HNRNPK: variants seen among roughly 807,000 people sequenced by gnomAD.
HNRNPK encodes the protein dC-stretch binding protein.
In HNRNPK, 7 loss-of-function variants were observed where a neutral mutation model predicts 67.0. That is an observed-to-expected ratio of 0.10 (90% CI 0.06 to 0.20). The LOEUF (loss-of-function observed/expected upper bound fraction) is 0.20, where lower values mean the gene tolerates loss of function less well. Ranked by LOEUF, HNRNPK falls within the 10% of genes least tolerant of loss-of-function variation. The probability of loss-of-function intolerance (pLI) is 1.00; values close to 1 mark genes in which losing one functional copy is unlikely to be tolerated. For synonymous variants in HNRNPK, 213 were observed against 193.7 expected, an observed-to-expected ratio of 1.10 and a Z score of -0.83; for missense variants, 264 against 606.5, an observed-to-expected ratio of 0.44 and a Z score of 5.93.
chr9:83,969,108 A>C lies in HNRNPK; in HGVS notation c.*299T>G, dbSNP rs149773802. 1.9e-3 allele frequency: 960 copies of C among 514,972 alleles called. 1 individual carries two copies. The highest frequency in any genetic ancestry group is 2.7e-3 in the Non-Finnish European group (791 of 291,348). The allele number at this position is 514,972 out of a possible 1,614,324, so 31.9% of individuals were successfully genotyped here. On this transcript the variant is annotated 3_prime_UTR_variant, in exon 17 of 17. Coordinates refer to ENST00000376263, the MANE Select transcript of HNRNPK (RefSeq NM_031263.4). ...ATGGGGGGAATTTTTTAAACCACCAACAATAACGAAAAATAAAATCCACTC... is the reference window on the plus strand; with the variant it reads ...ATGGGGGGAATTTTTTAAACCACCACCAATAACGAAAAATAAAATCCACTC...
At chr9:83,969,927 G>C (rs997915934) in intron 16 of HNRNPK, 20 of 639,680 alleles carry the variant, frequency 3.1e-5, no homozygotes, top group African/African-American at 2.5e-4. Context: ...GTTTTCACCA[G>C]AGAAATGAGA....
rs1588424005 is a variant in HNRNPK at position 83,974,092 on chromosome 9, C to T, written c.331-119G>A. On this transcript the variant is annotated intron_variant, in intron 7 of 16. Coordinates refer to ENST00000376263, the MANE Select transcript of HNRNPK (RefSeq NM_031263.4). ...ATCTATATTATTAAATAATGAGAAA[C>T]TGCTTTATTCAACATTAAGACGATT... 9 of 620,378 alleles carry T rather than the reference C, an allele frequency of 1.5e-5. No individual in the cohort carries two copies. In the East Asian group the frequency reaches 2.4e-4, roughly 16 times the overall value. The allele number at this position is 620,378 out of a possible 1,614,324, so 38.4% of individuals were successfully genotyped here.
Position 83,972,040 on chromosome 9 carries a change from A to G in HNRNPK, c.795T>C (p.Pro265=), listed in dbSNP as rs981401210. The G allele has an allele frequency of 3.7e-6, 6 of 1,613,916 alleles. No homozygotes were observed. Among genetic ancestry groups the G allele is most frequent in the African/African-American group, 1.3e-5 (1 of 75,036 alleles). Residue 265 remains proline (P), a synonymous_variant, in exon 11 of 17, where the codon CCT becomes CCC. Coordinates refer to ENST00000376263, the MANE Select transcript of HNRNPK (RefSeq NM_031263.4). ...MRGRGGFDRM[P]PGRGGRPMPP... Reference sequence around the variant, plus strand: ...GCATGGGACGCCCACCCCGACCAGGAGGCATTCTGTCAAAACCACCTCTTC... The same window carrying G: ...GCATGGGACGCCCACCCCGACCAGGGGGCATTCTGTCAAAACCACCTCTTC...
Position 83,979,221 on chromosome 9 carries a change from A to T in HNRNPK, c.-107-769T>A, listed in dbSNP as rs865950829. On this transcript the variant is annotated intron_variant, in intron 1 of 16. Coordinates refer to ENST00000376263, the MANE Select transcript of HNRNPK (RefSeq NM_031263.4). ...CGGCCTCTACTAGAAGGTTGGCTAG[A>T]CAGCAAAGAGCCAACAAGCGAGGCA... Among the ~76,000 whole-genome samples, 74 of 152,304 alleles carry T rather than the reference A, an allele frequency of 4.9e-4. 2 individuals are homozygous for T. Among genetic ancestry groups the T allele is most frequent in the Middle Eastern group, 6.8e-3 (2 of 294 alleles).
chr9:83,970,922 G>C lies in HNRNPK; in HGVS notation c.1093-10C>G. On this transcript the variant is annotated splice_polypyrimidine_tract_variant and intron_variant, in intron 13 of 16. Transcript: ENST00000376263. ...CATATCCGGAGCCACCCTAAAAACA[G>C]AAAGAAAAAAATAGAAAATTACTTT... 6.2e-7 allele frequency: 1 copy of C among 1,611,382 alleles called. No individual in the cohort carries two copies. The highest frequency in any genetic ancestry group is 8.5e-7 in the Non-Finnish European group (1 of 1,178,008).
At chr9:83,970,989 A>C (rs1014941728) in intron 13 of HNRNPK, 77 bp from the exon 14 acceptor site, 2 of 1,428,404 alleles carry the variant, frequency 1.4e-6, no homozygotes, top group Non-Finnish European at 2.0e-6. Flanking sequence ...AATTCATTTA[A>C]TAAAATGGAG....
At chr9:83,978,119 A>G (rs1401900383) in intron 3 of HNRNPK, 76 bp downstream of exon 3, 4 of 938,692 alleles carry the variant, frequency 4.3e-6, no homozygotes, top group Non-Finnish European at 7.0e-6. Context: ...ACACACTCCT[A>G]AGGCAATAAT....
Position 83,973,937 on chromosome 9 carries a change from G to A in HNRNPK, c.367C>T (p.Leu123Phe). 1 of 1,613,904 alleles carries A rather than the reference G, an allele frequency of 6.2e-7. No homozygotes were observed. Among genetic ancestry groups the A allele is most frequent in the Non-Finnish European group, 8.5e-7 (1 of 1,179,854 alleles). Residue 123 changes from leucine to phenylalanine, a missense_variant, in exon 8 of 17, where the codon CTC (leucine) becomes TTC (phenylalanine). Physicochemically the swap from Leu to Phe is conservative, Grantham distance 22. Transcript: ENST00000376263. ...QLPSPTATSQLPLESDAVECL... is the reference protein window; with the variant it reads ...QLPSPTATSQFPLESDAVECL... ...TCCACAGCATCAGATTCGAGCGGGA[G>A]CTGGCTGGTTGCAGTGGGTGATGGC...
chr9:83,974,447 C>T, intron 7 of HNRNPK, 70 bp downstream of exon 7: 1 of 736,156 alleles, frequency 1.4e-6, no homozygotes, highest in Non-Finnish European at 2.3e-6. Flanking sequence ...CCCCATCATA[C>T]CCCAATACAA....
intron 9 of HNRNPK, 32 bp from the exon 10 acceptor site, chr9:83,973,004 A>C (rs752241232): frequency 2.0e-6 from 3 of 1,490,340 alleles, no homozygotes; most frequent in Non-Finnish European, 2.7e-6. Flanking sequence ...AAATAATAAT[A>C]ATTAGAAGAA....
At chr9:83,979,954 C>T (rs1026512687) in intron 1 of HNRNPK, among the ~76,000 whole-genome samples, 199 bp downstream of exon 1, 2 of 152,208 alleles carry the variant, frequency 1.3e-5, no homozygotes, top group Non-Finnish European at 2.9e-5. Context: ...TCACGAATCC[C>T]CAAGTCTCTA....
rs1290163847 is a variant in HNRNPK, at chr9:83,971,741, CTTG to C, written c.954-18_954-16del. The C allele has an allele frequency of 6.2e-6, 10 of 1,612,710 alleles. No homozygotes were observed. Among genetic ancestry groups the C allele is most frequent in the South Asian group, 4.4e-5 (4 of 91,050 alleles). ...CCATGAGGTCTCTGCAAGCATAGTA[CTTG>C]TTGTAATCTAAACGTGCTTACATGC... On this transcript the variant is annotated splice_polypyrimidine_tract_variant and intron_variant, in intron 11 of 16. Coordinates refer to ENST00000376263, the MANE Select transcript of HNRNPK (RefSeq NM_031263.4).
chr9:83,974,117 T>C (rs539174371), intron 7 of HNRNPK, 144 bp from the exon 8 acceptor site: 1 of 551,544 alleles, frequency 1.8e-6, no homozygotes, highest in African/African-American at 1.9e-5. Context: ...TTAAGACGAT[T>C]CAAAACATAA....
At position 83,977,786 on chromosome 9, in the gene HNRNPK, C is replaced by T. The variant is rs1375976941; in HGVS notation, c.59G>A (p.Gly20Asp). 6.3e-7 allele frequency: 1 copy of T among 1,585,758 alleles called. No individual in the cohort carries two copies. The highest frequency in any genetic ancestry group is 8.6e-7 in the Non-Finnish European group (1 of 1,156,152). ...FPNTETNGEF[G>D]KRPAEDMEEE... ...TTCCATATCTTCTGCAGGGCGTTTA[C>T]CTAAAAATTAACAGTTCACATTTCA... The change falls in exon 4 of 17, where the codon GGT (glycine) becomes GAT (aspartate). Residue 20 changes from glycine (G) to aspartate (D), a missense_variant and splice_region_variant. By Grantham distance (94) the Gly-to-Asp change is moderately conservative. Transcript: ENST00000376263.
At chr9:83,978,837 A>G (rs1957200981) in intron 1 of HNRNPK, among the ~76,000 whole-genome samples, 1 of 152,152 alleles carries the variant, frequency 6.6e-6, no homozygotes, top group Non-Finnish European at 1.5e-5. Context: ...TTGCTTTCCT[A>G]TTTCTTTCGA....
In HNRNPK at chr9:83,972,978, G is replaced by T. The variant is rs1564063356; in HGVS notation, c.517-6C>A. ...TTGATGGTGGTTTGAGTGTTCTGTA[G>T]TAAGATCATAAAAAAAAATAATAAT... is the stretch of plus-strand genomic sequence containing the variant. On this transcript the variant is annotated splice_region_variant and splice_polypyrimidine_tract_variant and intron_variant, in intron 9 of 16. Transcript: ENST00000376263. 1.9e-6 allele frequency: 3 copies of T among 1,566,374 alleles called. No homozygotes were observed. Among genetic ancestry groups the T allele is most frequent in the South Asian group, 1.2e-5 (1 of 83,700 alleles).
In HNRNPK at chr9:83,972,834, T is replaced by A; in HGVS notation, c.645+10A>T. 1 of 1,584,760 alleles carries A rather than the reference T, an allele frequency of 6.3e-7. No homozygotes were observed. Among genetic ancestry groups the A allele is most frequent in the Non-Finnish European group, 8.6e-7 (1 of 1,169,514 alleles). On this transcript the variant is annotated intron_variant, in intron 10 of 16. Transcript: ENST00000376263. ...AAAATCAAATGTAAACAAAAAGTGT[T>A]CTGAAGTACCTCAGATATAAGATCA...
At chr9:83,970,967 GTACTTTAAAAAA>G in intron 13 of HNRNPK, 55 bp from the exon 14 acceptor site, 2 of 1,537,692 alleles carry the variant, frequency 1.3e-6, no homozygotes, top group South Asian at 2.3e-5. Flanking sequence ...ATTACTACCG[GTACTTTAAAAAA>G]ATTCATTTAA....
rs773281824 is a variant in HNRNPK, at chr9:83,973,419, A to G, written c.403-20T>C. ...TTGGTACTGTGGAGGGAGAATTATAAAATTTTAGTCTCAAATCAACAATTC... is the reference window on the plus strand; with the variant it reads ...TTGGTACTGTGGAGGGAGAATTATAGAATTTTAGTCTCAAATCAACAATTC... On this transcript the variant is annotated intron_variant, in intron 8 of 16. Transcript: ENST00000376263. The G allele has an allele frequency of 7.2e-7, 1 of 1,392,120 alleles. No individual in the cohort carries two copies. Among genetic ancestry groups the G allele is most frequent in the African/African-American group, 1.4e-5 (1 of 70,646 alleles). 86.2% of individuals were successfully genotyped at this position (1,392,120 alleles called of 1,614,324 possible).
Sources: allele counts gnomAD v4.1 joint callset (sites outside exome capture counted in the v4.1 genomes callset), GRCh38; gene constraint gnomAD v4.1.1; transcripts MANE v1.5; gene names NCBI Gene and HGNC (gene_info 2026-07-23, HGNC 2026-07-21).